The following IL13RA1 variants were observed in gnomAD, a reference collection of about 807,000 sequenced individuals.
The protein encoded by IL13RA1 is interleukin-13 receptor subunit alpha-1.
Under a neutral mutation model 33.8 loss-of-function variants are expected in IL13RA1, and 14 were observed. That is an observed-to-expected ratio of 0.41 (90% CI 0.27 to 0.65). The LOEUF (loss-of-function observed/expected upper bound fraction) is 0.65, where lower values mean the gene tolerates loss of function less well. Among genes scored for constraint, IL13RA1 ranks in the 30% least tolerant of loss-of-function variants. The pLI is 0.28. For synonymous variants in IL13RA1, 116 were observed against 115.7 expected, an observed-to-expected ratio of 1.00 and a Z score of -0.02; for missense variants, 313 against 327.0, an observed-to-expected ratio of 0.96 and a Z score of 0.33.
intron 9 of IL13RA1, 64 bp downstream of exon 9, chrX:118,774,039 T>A: frequency 1.7e-6 from 1 of 574,051 alleles, no homozygotes; most frequent in Admixed American, 2.5e-5. Context: ...GTTATTACTT[T>A]TAGTGCTTGT....
chrX:118,745,044 C>A lies in IL13RA1; in HGVS notation c.229-1910C>A, dbSNP rs151244554. On this transcript the variant is annotated intron_variant, in intron 2 of 10. Coordinates refer to ENST00000371666, the MANE Select transcript of IL13RA1 (RefSeq NM_001560.3). ...TTCGAAGCCTTCCTGCCACCACTAC[C>A]ATGATCCTGGAGGCAGGTCTTCAGC... Among the ~76,000 whole-genome samples, 833 of 111,911 alleles carry A rather than the reference C, an allele frequency of 7.4e-3. 8 individuals carry two copies. The highest frequency in any genetic ancestry group is 0.025 in the African/African-American group (778 of 30,778).
At chrX:118,774,538 T>C (rs528963507) in intron 9 of IL13RA1, among the ~76,000 whole-genome samples, 17 of 112,632 alleles carry the variant, frequency 1.5e-4, no homozygotes, top group African/African-American at 5.2e-4. Context: ...TGTTTAGGAT[T>C]GTTGAATAGG....
At chrX:118,755,602 T>G (rs140194214) in intron 4 of IL13RA1, among the ~76,000 whole-genome samples, 204 of 111,856 alleles carry the variant, frequency 1.8e-3, no homozygotes, top group Middle Eastern at 4.6e-3. Flanking sequence ...TATTTCTAAA[T>G]TACAACAAAA....
chrX:118,757,965 A>G, intron 4 of IL13RA1, 90 bp from the exon 5 acceptor site: 1 of 527,721 alleles, frequency 1.9e-6, no homozygotes, highest in Non-Finnish European at 3.1e-6. Flanking sequence ...TGCTGGGATT[A>G]CAGGTGTGAG....
intron 8 of IL13RA1, chrX:118,770,071 C>T: frequency 1.2e-5 from 3 of 253,757 alleles, no homozygotes; most frequent in Admixed American, 1.1e-4. Flanking sequence ...TCTGCTCATG[C>T]GCCTGGTACT....
chrX:118,787,975 C>T (rs759766324), intron 10 of IL13RA1, among the ~76,000 whole-genome samples: 14 of 111,156 alleles, frequency 1.3e-4, no homozygotes, highest in Admixed American at 3.8e-4. Context: ...ATGAAGATGA[C>T]GGGATTAAGA....
intron 1 of IL13RA1, among the ~76,000 whole-genome samples, chrX:118,738,784 T>C (rs1387691154): frequency 1.1e-5 from 1 of 91,281 alleles, no homozygotes; most frequent in Non-Finnish European, 2.2e-5. Context: ...TTAAGTCCTT[T>C]TTTTTTTTTT....
downstream of IL13RA1, among the ~76,000 whole-genome samples, chrX:118,798,815 C>T (rs1026547637): frequency 3.5e-5 from 4 of 112,853 alleles, no homozygotes; most frequent in Admixed American, 1.9e-4. Flanking sequence ...AGCCCTCGCT[C>T]GCTCTCGGCG....
chrX:118,752,063 G>C (rs755831807), intron 4 of IL13RA1, among the ~76,000 whole-genome samples: 1 of 110,395 alleles, frequency 9.1e-6, no homozygotes, highest in East Asian at 2.9e-4. Context: ...TCTGAGGTCT[G>C]TTTCTTTTTC....
intron 3 of IL13RA1, among the ~76,000 whole-genome samples, chrX:118,748,380 AC>A (rs1211030749): frequency 9.5e-6 from 1 of 105,065 alleles, no homozygotes; most frequent in Admixed American, 1.1e-4. Flanking sequence ...AAAAAAAAAA[AC>A]GGCTAGATGC....
chrX:118,770,030 G>A (rs908535640), intron 8 of IL13RA1: 12 of 236,638 alleles, frequency 5.1e-5, no homozygotes, highest in Middle Eastern at 1.6e-3. Context: ...GGTGTGTGCT[G>A]TGGCTGGCCA....
intron 4 of IL13RA1, 109 bp from the exon 5 acceptor site, chrX:118,757,946 C>T (rs2017550985): frequency 6.6e-6 from 3 of 451,429 alleles, no homozygotes; most frequent in Admixed American, 6.5e-5. Context: ...CTGCCTCAGC[C>T]TCCAAAAGTG....
intron 10 of IL13RA1, among the ~76,000 whole-genome samples, chrX:118,787,497 A>G (rs943879947): frequency 5.4e-5 from 6 of 111,583 alleles, no homozygotes; most frequent in African/African-American, 2.0e-4. Context: ...TCATTGATAA[A>G]CATCAGGAAA....
the IL13RA1 span, among the ~76,000 whole-genome samples, chrX:118,801,447 T>C: frequency 8.9e-6 from 1 of 112,512 alleles, no homozygotes; most frequent in African/African-American, 3.2e-5. Flanking sequence ...TCTCACACAA[T>C]AGCTTCCCTT....
intron 10 of IL13RA1, among the ~76,000 whole-genome samples, chrX:118,784,136 T>C (rs1344566043): frequency 1.5e-4 from 11 of 74,440 alleles, no homozygotes; most frequent in Middle Eastern, 7.6e-3. Flanking sequence ...TATGTATATA[T>C]ATATATATAT....
intron 10 of IL13RA1, among the ~76,000 whole-genome samples, chrX:118,780,047 A>G (rs1307791270): frequency 8.9e-6 from 1 of 112,246 alleles, no homozygotes; most frequent in Non-Finnish European, 1.9e-5. Context: ...AGCACAAGGT[A>G]TTTTTGTTTT....
At chrX:118,744,463 G>A (rs982605528) in intron 2 of IL13RA1, among the ~76,000 whole-genome samples, 9 of 111,340 alleles carry the variant, frequency 8.1e-5, no homozygotes, top group Non-Finnish European at 1.3e-4. Flanking sequence ...GTAGTGGTAC[G>A]ATCTCAGCTC....
At chrX:118,803,096 G>A in the IL13RA1 span, among the ~76,000 whole-genome samples, 1 of 112,140 alleles carries the variant, frequency 8.9e-6, no homozygotes, top group Admixed American at 9.5e-5. Flanking sequence ...CTCATTTCCT[G>A]TTCCTTGTGG....
rs766924574 is a variant in IL13RA1 at position 118,752,440 on chromosome X, C to T, written c.488+2662C>T. 3.1e-4 allele frequency among the ~76,000 whole-genome samples: 35 copies of T among 112,379 alleles called. 1 individual carries two copies. Among genetic ancestry groups the T allele is most frequent in the Admixed American group, 5.7e-4 (6 of 10,593 alleles). Reference sequence around the variant, plus strand: ...GCATCCTCTTGTAGCCTAGGCCTTTCCTTTTCATTTGGATGCCTCTTATTT... The same window carrying T: ...GCATCCTCTTGTAGCCTAGGCCTTTTCTTTTCATTTGGATGCCTCTTATTT... On this transcript the variant is annotated intron_variant, in intron 4 of 10. Transcript: ENST00000371666.
Sources: gnomAD v4.1 joint callset for allele counts (sites outside exome capture counted in the v4.1 genomes callset) on GRCh38, gnomAD v4.1.1 for gene constraint, MANE v1.5 for transcripts, NCBI Gene and HGNC (gene_info 2026-07-23, HGNC 2026-07-21) for gene names.